Variants in ZNF516 observed in about 807,000 individuals in gnomAD.
ZNF516 encodes zinc finger protein 516.
A neutral mutation model predicts 79.7 loss-of-function variants in ZNF516; 19 were observed. The observed-to-expected ratio is 0.24, with a 90% CI of 0.17 to 0.35. ZNF516 has a LOEUF of 0.35. Ranked by LOEUF, ZNF516 falls within the 10% of genes least tolerant of loss-of-function variation. The pLI is 1.00. For missense variants in ZNF516, 1,678 were observed against 1,679.5 expected, an observed-to-expected ratio of 1.00 and a Z score of 0.02; for synonymous variants, 877 against 739.5, an observed-to-expected ratio of 1.19 and a Z score of -3.02.
chr18:76,408,792 C>A (rs1398968046), intron 3 of ZNF516, among the ~76,000 whole-genome samples: 2 of 152,232 alleles, frequency 1.3e-5, no homozygotes, highest in East Asian at 3.8e-4. Flanking sequence ...TAATGTATCA[C>A]CCTCAGTCGA....
intron 1 of ZNF516, among the ~76,000 whole-genome samples, chr18:76,474,719 C>T (rs1285818921): frequency 6.6e-6 from 1 of 151,994 alleles, no homozygotes; most frequent in Non-Finnish European, 1.5e-5. Context: ...CAGTAATTGG[C>T]TCTATGATAA....
chr18:76,366,368 G>A lies in ZNF516; in HGVS notation c.3433-3811C>T, dbSNP rs917486730. On this transcript the variant is annotated intron_variant, in intron 6 of 6. Transcript: ENST00000443185. The stretch of plus-strand genomic sequence containing the variant: ...AACCAACCATGTCTGTCTACCAACC[G>A]GAGGGCTTTTGAACAGAATGCAGCA... Among the ~76,000 whole-genome samples, 16 of 152,184 alleles carry A rather than the reference G, an allele frequency of 1.1e-4. 1 individual carries two copies. The highest frequency in any genetic ancestry group is 4.1e-4 in the South Asian group (2 of 4,830).
At chr18:76,474,781 G>C (rs1183680977) in intron 1 of ZNF516, among the ~76,000 whole-genome samples, 5 of 152,246 alleles carry the variant, frequency 3.3e-5, no homozygotes, top group African/African-American at 7.2e-5. Flanking sequence ...AGAAAAAAGA[G>C]GTTGGGAGGA....
intron 3 of ZNF516, chr18:76,388,559 T>C (rs889276105): frequency 1.3e-5 from 2 of 151,958 alleles, no homozygotes; most frequent in Non-Finnish European, 2.9e-5. Context: ...TGAGCCATCA[T>C]GTACATTGAT....
chr18:76,462,508 C>T (rs983423420), intron 2 of ZNF516, among the ~76,000 whole-genome samples: 2 of 152,206 alleles, frequency 1.3e-5, no homozygotes, highest in East Asian at 1.9e-4. Context: ...TGCCCCCGTG[C>T]GGACGCAGAT....
At chr18:76,457,078 T>A (rs1912776262) in intron 2 of ZNF516, among the ~76,000 whole-genome samples, 1 of 152,242 alleles carries the variant, frequency 6.6e-6, no homozygotes, top group Non-Finnish European at 1.5e-5. Flanking sequence ...TTATGCAGCC[T>A]GCCAGTAAGA....
chr18:76,472,921 T>TA (rs1913930712), intron 1 of ZNF516, among the ~76,000 whole-genome samples: 1 of 152,072 alleles, frequency 6.6e-6, no homozygotes, highest in Non-Finnish European at 1.5e-5. Flanking sequence ...ACTAATAGAC[T>TA]AAAAAACAAC....
intron 4 of ZNF516, 130 bp downstream of exon 4, chr18:76,378,725 G>A (rs2074831045): frequency 2.2e-6 from 3 of 1,341,420 alleles, no homozygotes; most frequent in Admixed American, 2.7e-5. Flanking sequence ...TCTCAGCTCA[G>A]CAGTGGGATG....
At chr18:76,368,077 G>A (rs1158379187) in intron 6 of ZNF516, among the ~76,000 whole-genome samples, 3 of 152,108 alleles carry the variant, frequency 2.0e-5, no homozygotes, top group Non-Finnish European at 4.4e-5. Flanking sequence ...AAAGAACATG[G>A]CTGGTAAGTA....
In ZNF516 at chr18:76,442,931, T is replaced by C. The variant is rs1258397608; in HGVS notation, c.124A>G (p.Ser42Gly). The C allele has an allele frequency of 1.2e-6, 2 of 1,611,968 alleles. No homozygotes were observed. Residue 42 changes from serine to glycine, a missense_variant, in exon 3 of 7, where the codon AGC becomes GGC. Ser to Gly is a moderately conservative substitution (Grantham distance 56, BLOSUM62 0). Around this residue, in one of 5 missense-constraint regions of ZNF516, gnomAD observed 62 missense variants for 58.9 expected, o/e 1.05. Coordinates refer to ENST00000443185, the MANE Select transcript of ZNF516 (RefSeq NM_014643.4). ...TCHTCCICGK[S>G]FPFQSSLSQH... ...GAAAGCGAGCTCTGGAAGGGGAAGCTCTTGCCGCAGATGCAGCAGGTGTGG... is the reference window on the plus strand; with the variant it reads ...GAAAGCGAGCTCTGGAAGGGGAAGCCCTTGCCGCAGATGCAGCAGGTGTGG...
At chr18:76,388,548 A>G (rs2075024933) in intron 3 of ZNF516, 1 of 149,730 alleles carries the variant, frequency 6.7e-6, no homozygotes, top group African/African-American at 2.4e-5. Context: ...CCGACCTCCC[A>G]TGAGCCATCA....
chr18:76,442,961 T>C lies in ZNF516; in HGVS notation c.94A>G (p.Thr32Ala), dbSNP rs750692260. ...RGHEVDGDKA[T>A]CHTCCICGKS... The stretch of plus-strand genomic sequence containing the variant: ...CCGCAGATGCAGCAGGTGTGGCAGG[T>C]AGCCTTGTCCCCATCCACCTCGTGG... Residue 32 changes from threonine to alanine, a missense_variant, in exon 3 of 7, where the codon ACC becomes GCC. Around this residue, in one of 5 missense-constraint regions of ZNF516, gnomAD observed 62 missense variants for 58.9 expected, o/e 1.05. Coordinates refer to ENST00000443185, the MANE Select transcript of ZNF516 (RefSeq NM_014643.4). The C allele has an allele frequency of 6.7e-5, 107 of 1,606,316 alleles. No individual in the cohort carries two copies. Among genetic ancestry groups the C allele is most frequent in the Admixed American group, 5.0e-5 (3 of 59,908 alleles).
At chr18:76,492,717 G>C (rs72983972) in intron 1 of ZNF516, 86,547 of 985,410 alleles carry the variant, frequency 0.088, 4,071 homozygotes, top group Non-Finnish European at 0.095. Flanking sequence ...CAGTTGCTGA[G>C]AAACAATCAC....
intron 3 of ZNF516, among the ~76,000 whole-genome samples, chr18:76,440,742 T>TTTGTGTG (rs1555711266): frequency 3.3e-5 from 5 of 150,050 alleles, no homozygotes; most frequent in Admixed American, 6.6e-5. Context: ...GTGTGTGTGT[T>TTTGTGTG]TGTGTGTGTG....
chr18:76,435,526 G>A (rs369317033), intron 3 of ZNF516, among the ~76,000 whole-genome samples: 13 of 152,282 alleles, frequency 8.5e-5, no homozygotes, highest in East Asian at 1.9e-4. Context: ...GCGGGAGCGC[G>A]GATTAAGAGT....
At chr18:76,403,144 C>T (rs193173417) in intron 3 of ZNF516, among the ~76,000 whole-genome samples, 4 of 152,234 alleles carry the variant, frequency 2.6e-5, no homozygotes, top group Non-Finnish European at 4.4e-5. Flanking sequence ...ATCTACCCTG[C>T]GTTTACTATA....
chr18:76,494,101 G>C (rs1915377805), intron 1 of ZNF516, among the ~76,000 whole-genome samples: 1 of 152,074 alleles, frequency 6.6e-6, no homozygotes, highest in African/African-American at 2.4e-5. Flanking sequence ...GGTTCCCTCT[G>C]GTCCCTAATT....
chr18:76,450,515 G>A (rs949873242), intron 2 of ZNF516, among the ~76,000 whole-genome samples: 5 of 152,084 alleles, frequency 3.3e-5, no homozygotes, highest in Non-Finnish European at 7.4e-5. Context: ...TTAAAAGATC[G>A]CTTTCTGATG....
At chr18:76,465,360 G>A (rs1212460013) in intron 1 of ZNF516, among the ~76,000 whole-genome samples, 3 of 152,178 alleles carry the variant, frequency 2.0e-5, no homozygotes, top group African/African-American at 7.2e-5. Flanking sequence ...AGCAGAAGAG[G>A]AGAGATTCTC....
Sources: allele counts gnomAD v4.1 joint callset (sites outside exome capture counted in the v4.1 genomes callset), GRCh38; gene constraint gnomAD v4.1.1; regional missense constraint gnomAD v4.1.1; transcripts MANE v1.5; gene names NCBI Gene and HGNC (gene_info 2026-07-23, HGNC 2026-07-21).